The following PID1 variants were observed in gnomAD, a reference collection of about 807,000 sequenced individuals.
The protein encoded by PID1 is phosphotyrosine interaction domain containing 1, also known as PTB-containing, cubilin and LRP1-interacting protein.
A neutral mutation model predicts 19.1 loss-of-function variants in PID1; 10 were observed. The observed-to-expected ratio is 0.52, with a 90% CI of 0.32 to 0.89. PID1 has a LOEUF of 0.89. Ranked by LOEUF, PID1 falls within the 40% of genes least tolerant of loss-of-function variation. The pLI is 0.03. For missense variants in PID1, 248 were observed against 285.3 expected (o/e 0.87, Z 0.94); for synonymous variants, 130 against 116.0 (o/e 1.12, Z -0.78).
intron 2 of PID1, among the ~76,000 whole-genome samples, chr2:229,140,316 C>A (rs1389052598): frequency 6.6e-6 from 1 of 152,066 alleles, no homozygotes; most frequent in African/African-American, 2.4e-5. Context: ...GGAGGGTGGG[C>A]ATCCTATAGT....
intron 2 of PID1, among the ~76,000 whole-genome samples, chr2:229,083,030 G>A (rs1694698323): frequency 6.6e-6 from 1 of 151,730 alleles, no homozygotes; most frequent in African/African-American, 2.4e-5. Flanking sequence ...ATCCTAATGT[G>A]ATTTCATAAA....
intron 2 of PID1, among the ~76,000 whole-genome samples, chr2:229,056,408 C>T (rs1421985849): frequency 6.6e-6 from 1 of 152,042 alleles, no homozygotes; most frequent in Non-Finnish European, 1.5e-5. Flanking sequence ...TACCGACTTG[C>T]CTTTGATCTC....
intron 2 of PID1, among the ~76,000 whole-genome samples, chr2:229,143,162 C>T (rs1342049476): frequency 7.1e-6 from 1 of 140,166 alleles, no homozygotes; most frequent in Admixed American, 7.9e-5. Context: ...CACATGGACA[C>T]AGGAAGGGGA....
At chr2:229,181,444 G>A (rs1265871184) in intron 1 of PID1, among the ~76,000 whole-genome samples, 1 of 151,746 alleles carries the variant, frequency 6.6e-6, no homozygotes, top group Non-Finnish European at 1.5e-5. Context: ...CAGGCTATGA[G>A]ATGTCAACGA....
chr2:229,220,037 T>G (rs1691932342), intron 1 of PID1, among the ~76,000 whole-genome samples: 1 of 151,634 alleles, frequency 6.6e-6, no homozygotes, highest in Non-Finnish European at 1.5e-5. Flanking sequence ...TTTTTTTTTT[T>G]GAATCAAGGC....
chr2:229,264,604 A>C (rs575759616), intron 1 of PID1, among the ~76,000 whole-genome samples: 1 of 152,328 alleles, frequency 6.6e-6, no homozygotes, highest in East Asian at 1.9e-4. Context: ...ATACATTGAG[A>C]ATAAAAGGAG....
At chr2:229,186,098 A>G (rs1429715682) in intron 1 of PID1, among the ~76,000 whole-genome samples, 1 of 152,224 alleles carries the variant, frequency 6.6e-6, no homozygotes, top group Non-Finnish European at 1.5e-5. Context: ...TCTGAAATCC[A>G]GCAGGGTAGT....
intron 1 of PID1, among the ~76,000 whole-genome samples, chr2:229,162,636 C>T (rs1690513364): frequency 6.6e-6 from 1 of 152,200 alleles, no homozygotes; most frequent in African/African-American, 2.4e-5. Flanking sequence ...TGGAAAACTT[C>T]AGTCCAAATA....
At chr2:229,221,084 C>A (rs1691960276) in intron 1 of PID1, among the ~76,000 whole-genome samples, 3 of 152,148 alleles carry the variant, frequency 2.0e-5, no homozygotes, top group Non-Finnish European at 4.4e-5. Context: ...CATCTGGTAT[C>A]CCCATCCAGC....
chr2:229,033,289 C>G (rs1693593783), intron 2 of PID1, among the ~76,000 whole-genome samples: 1 of 152,208 alleles, frequency 6.6e-6, no homozygotes, highest in African/African-American at 2.4e-5. Flanking sequence ...CTTCGACTTT[C>G]CAAGCTGGAT....
intron 1 of PID1, among the ~76,000 whole-genome samples, chr2:229,199,720 T>TTTTATA (rs780479698): frequency 4.8e-4 from 63 of 132,158 alleles, no homozygotes; most frequent in South Asian, 3.4e-3. Context: ...AATATCTAAT[T>TTTTATA]TATATATATA....
chr2:229,103,564 TG>T (rs1695115150), intron 2 of PID1, among the ~76,000 whole-genome samples: 1 of 145,490 alleles, frequency 6.9e-6, no homozygotes, highest in Admixed American at 7.6e-5. Context: ...TAGACTTATA[TG>T]CTGGAATTTT....
intron 2 of PID1, among the ~76,000 whole-genome samples, chr2:229,060,455 C>T (rs1162659063): frequency 6.6e-6 from 1 of 152,152 alleles, no homozygotes; most frequent in Non-Finnish European, 1.5e-5. Context: ...GGACTGCCTT[C>T]CTCTTAAAGG....
chr2:229,201,318 C>T (rs1180704375), intron 1 of PID1, among the ~76,000 whole-genome samples: 3 of 152,054 alleles, frequency 2.0e-5, no homozygotes, highest in South Asian at 4.1e-4. Flanking sequence ...CATCATTCCG[C>T]TTTCTATCTT....
chr2:229,143,551 G>A (rs527544363), intron 2 of PID1, among the ~76,000 whole-genome samples: 35 of 152,196 alleles, frequency 2.3e-4, no homozygotes, highest in African/African-American at 7.9e-4. Context: ...ACCAAGGCAC[G>A]TAACCATAAA....
chr2:229,122,248 T>C (rs1227123067), intron 2 of PID1, among the ~76,000 whole-genome samples: 1 of 152,194 alleles, frequency 6.6e-6, no homozygotes, highest in Non-Finnish European at 1.5e-5. Context: ...TTTTACACCA[T>C]TAACAATAGA....
intron 1 of PID1, among the ~76,000 whole-genome samples, chr2:229,186,635 G>C (rs1691138955): frequency 6.6e-6 from 1 of 152,102 alleles, no homozygotes; most frequent in Admixed American, 6.5e-5. Flanking sequence ...GTGACCCTGG[G>C]CCCAAGCCAC....
intron 2 of PID1, among the ~76,000 whole-genome samples, chr2:229,082,550 G>A (rs1036149227): frequency 6.6e-6 from 1 of 152,190 alleles, no homozygotes; most frequent in Non-Finnish European, 1.5e-5. Flanking sequence ...AACAAAGGGG[G>A]AAGCCAGAGA....
At chr2:229,256,025 A>G (rs114591783) in intron 1 of PID1, among the ~76,000 whole-genome samples, 2,470 of 152,304 alleles carry the variant, frequency 0.016, 78 homozygotes, top group African/African-American at 0.057. Context: ...GAGTCAGAAG[A>G]CCAAGGACCT....
Sources: allele counts gnomAD v4.1 joint callset (sites outside exome capture counted in the v4.1 genomes callset), GRCh38; gene constraint gnomAD v4.1.1; transcripts MANE v1.5; gene names NCBI Gene and HGNC (gene_info 2026-07-23, HGNC 2026-07-21).